PCGF6: variants seen among roughly 807,000 people sequenced by gnomAD.
The protein encoded by PCGF6 is polycomb group ring finger 6.
In PCGF6, 24 loss-of-function variants were observed where a neutral mutation model predicts 45.5. The observed-to-expected ratio is 0.53, with a 90% CI of 0.38 to 0.74. The LOEUF is 0.74. Ranked by LOEUF, PCGF6 falls within the 30% of genes least tolerant of loss-of-function variation. PCGF6 has a pLI of 0.00. For missense variants in PCGF6, 356 were observed against 443.2 expected, an observed-to-expected ratio of 0.80 and a Z score of 1.77; for synonymous variants, 152 against 162.1, an observed-to-expected ratio of 0.94 and a Z score of 0.47.
Position 103,303,389 on chromosome 10 carries a change from A to C in PCGF6, c.*516T>G, listed in dbSNP as rs2093126081. 6.6e-6 allele frequency: 1 copy of C among 152,600 alleles called. No homozygotes were observed. The highest frequency in any genetic ancestry group is 2.1e-4 in the South Asian group (1 of 4,854). The allele number at this position is 152,600 out of a possible 1,614,324, so 9.5% of individuals were successfully genotyped here. On this transcript the variant is annotated 3_prime_UTR_variant, in exon 10 of 10. Coordinates refer to ENST00000369847, the MANE Select transcript of PCGF6 (RefSeq NM_001011663.2). ...TTTGTAGTGTTGCTAGTATAAAAAA[A>C]GGTACAAGTTCAAAATATGCTGGCA...
At chr10:103,319,680 C>T (rs2093189502) in intron 8 of PCGF6, among the ~76,000 whole-genome samples, 1 of 152,100 alleles carries the variant, frequency 6.6e-6, no homozygotes, top group Non-Finnish European at 1.5e-5. Flanking sequence ...AGGTCAAATA[C>T]ATAGACCCTC....
rs1042053030 is a variant in PCGF6, at chr10:103,349,067, G to A, written c.361-68C>T. 4.2e-6 allele frequency: 5 copies of A among 1,192,900 alleles called. No homozygotes were observed. The African/African-American group carries it at 8.2e-5, about 19-fold the overall frequency. 73.9% of individuals were successfully genotyped at this position (1,192,900 alleles called of 1,614,324 possible). A position where few individuals can be genotyped will look rare whatever the true frequency, so the allele number is the denominator to read the frequency against. On this transcript the variant is annotated intron_variant, in intron 1 of 9. Transcript: ENST00000369847. ...TTTTACAAATTCTTTTTTTTTTTTT[G>A]AGACAGAGTCTCACTCTGTAGCCCA...
At chr10:103,330,150 C>G (rs2093234841) in intron 7 of PCGF6, among the ~76,000 whole-genome samples, 1 of 151,882 alleles carries the variant, frequency 6.6e-6, no homozygotes, top group African/African-American at 2.4e-5. Context: ...TCTCGGCTCA[C>G]TGCAGCCTCT....
chr10:103,305,316 G>C (rs1211673582), intron 9 of PCGF6, among the ~76,000 whole-genome samples: 1 of 150,956 alleles, frequency 6.6e-6, no homozygotes, highest in African/African-American at 2.4e-5. Flanking sequence ...CTGTCACCAG[G>C]CTGGAGTGCA....
chr10:103,347,744 A>T (rs1379092417), intron 3 of PCGF6, among the ~76,000 whole-genome samples: 2 of 152,152 alleles, frequency 1.3e-5, no homozygotes, highest in Non-Finnish European at 1.5e-5. Flanking sequence ...GCTGGAGTGC[A>T]GTGGCTCAAT....
At chr10:103,316,119 A>AC (rs1411777846) in intron 8 of PCGF6, among the ~76,000 whole-genome samples, 1 of 151,990 alleles carries the variant, frequency 6.6e-6, no homozygotes, top group Non-Finnish European at 1.5e-5. Context: ...TGTCTTCCAT[A>AC]CCAGAATGTC....
intron 6 of PCGF6, 37 bp downstream of exon 6, chr10:103,344,987 T>C: frequency 1.4e-6 from 2 of 1,389,006 alleles, no homozygotes; most frequent in Non-Finnish European, 2.0e-6. Flanking sequence ...ACTTTTAACA[T>C]TCTTTAAGTT....
chr10:103,344,596 C>T (rs1231447727), intron 6 of PCGF6, among the ~76,000 whole-genome samples: 2 of 146,472 alleles, frequency 1.4e-5, no homozygotes, highest in East Asian at 2.0e-4. Flanking sequence ...GAGTTTTGCT[C>T]TTGTCGCCTA....
At chr10:103,304,356 T>A (rs1184244340) in intron 9 of PCGF6, among the ~76,000 whole-genome samples, 3 of 152,124 alleles carry the variant, frequency 2.0e-5, no homozygotes, top group African/African-American at 7.2e-5. Flanking sequence ...TTATTTATTT[T>A]TTGAGTCGGA....
intron 1 of PCGF6, among the ~76,000 whole-genome samples, chr10:103,349,566 C>T (rs1424308279): frequency 1.4e-5 from 2 of 147,108 alleles, no homozygotes; most frequent in Admixed American, 6.8e-5. Context: ...CTGCAACCTC[C>T]GCCTCCCAGA....
At chr10:103,314,077 T>C in intron 9 of PCGF6, 109 bp downstream of exon 9, 1 of 459,398 alleles carries the variant, frequency 2.2e-6, no homozygotes, top group Non-Finnish European at 3.8e-6. Flanking sequence ...TTATTTATAG[T>C]GTAGGTAATT....
At chr10:103,349,937 C>G (rs889793018) in intron 1 of PCGF6, among the ~76,000 whole-genome samples, 2 of 151,702 alleles carry the variant, frequency 1.3e-5, no homozygotes, top group African/African-American at 4.8e-5. Flanking sequence ...AAAAAATAAG[C>G]CGGGCGTGGT....
chr10:103,348,535 G>C (rs2093308088), intron 3 of PCGF6, 181 bp downstream of exon 3: 12 of 450,492 alleles, frequency 2.7e-5, no homozygotes, highest in Middle Eastern at 6.2e-4. Flanking sequence ...ATGTTGGCCA[G>C]GTTGGTCTTG....
intron 9 of PCGF6, among the ~76,000 whole-genome samples, chr10:103,306,812 T>G (rs979411411): frequency 6.6e-6 from 1 of 151,972 alleles, no homozygotes; most frequent in African/African-American, 2.4e-5. Context: ...CTAAAGAAAT[T>G]TAAACTCAAG....
chr10:103,343,175 G>A (rs972403331), intron 6 of PCGF6, among the ~76,000 whole-genome samples: 1 of 151,954 alleles, frequency 6.6e-6, no homozygotes, highest in Admixed American at 6.6e-5. Context: ...TGATCCGCCC[G>A]CCTCGGCCTC....
At chr10:103,336,234 CA>C (rs960927101) in intron 6 of PCGF6, among the ~76,000 whole-genome samples, 31 of 119,760 alleles carry the variant, frequency 2.6e-4, no homozygotes, top group African/African-American at 7.5e-4. Flanking sequence ...ACTGCGTCTC[CA>C]AAAAAAAAAT....
intron 5 of PCGF6, among the ~76,000 whole-genome samples, chr10:103,346,788 C>T (rs1325300073): frequency 6.6e-6 from 1 of 152,154 alleles, no homozygotes; most frequent in African/African-American, 2.4e-5. Flanking sequence ...GAGCAAAACT[C>T]CGTCTCAAAA....
At chr10:103,324,064 C>T (rs1011258876) in intron 8 of PCGF6, among the ~76,000 whole-genome samples, 4 of 148,768 alleles carry the variant, frequency 2.7e-5, no homozygotes, top group African/African-American at 7.3e-5. Context: ...CTCAGCCTCC[C>T]GAGTAGCTGG....
intron 8 of PCGF6, among the ~76,000 whole-genome samples, chr10:103,323,705 G>C (rs1169916153): frequency 6.6e-6 from 1 of 151,646 alleles, no homozygotes; most frequent in African/African-American, 2.4e-5. Flanking sequence ...CGATTCTCTT[G>C]CCTCAGCCTC....
Sources: gnomAD v4.1 joint callset for allele counts (sites outside exome capture counted in the v4.1 genomes callset) on GRCh38, gnomAD v4.1.1 for gene constraint, MANE v1.5 for transcripts, NCBI Gene and HGNC (gene_info 2026-07-23, HGNC 2026-07-21) for gene names.